Variants in SBF2 observed in about 807,000 individuals in gnomAD.
SBF2 encodes SET binding factor 2.
A neutral mutation model predicts 225.2 loss-of-function variants in SBF2; 112 were observed. That is an observed-to-expected ratio of 0.50 (90% CI 0.43 to 0.58). The LOEUF (loss-of-function observed/expected upper bound fraction) is 0.58, where lower values mean the gene tolerates loss of function less well. SBF2 is among the 20% of genes least tolerant of loss of function. The probability of loss-of-function intolerance (pLI) is 0.00; values close to 1 mark genes in which losing one functional copy is unlikely to be tolerated. For missense variants in SBF2, 1,996 were observed against 2,206.2 expected (o/e 0.90, Z 1.91); for synonymous variants, 763 against 773.3 (o/e 0.99, Z 0.22).
At chr11:10,269,111 C>A (rs922948627) in intron 1 of SBF2, among the ~76,000 whole-genome samples, 4 of 152,176 alleles carry the variant, frequency 2.6e-5, no homozygotes, top group Non-Finnish European at 5.9e-5. Flanking sequence ...TAGCAATATA[C>A]CTCAAAACTA....
chr11:9,855,075 C>A lies in SBF2; in HGVS notation c.2364-1363G>T, dbSNP rs147369944. Among the ~76,000 whole-genome samples, 6 of 152,240 alleles carry A rather than the reference C, an allele frequency of 3.9e-5. No individual in the cohort carries two copies. In the South Asian group the frequency reaches 1.2e-3, roughly 32 times the overall value. On this transcript the variant is annotated intron_variant, in intron 19 of 39. Coordinates refer to ENST00000256190, the MANE Select transcript of SBF2 (RefSeq NM_030962.4). ...GAGTAGTGAAGGAATGGGAAAGCAT[C>A]ATTTCGGGAAGATCCTTTTGGCAGT...
rs140442127 is a variant in SBF2 at position 10,046,774 on chromosome 11, C to T, written c.142-3793G>A. Among the ~76,000 whole-genome samples, 616 of 149,598 alleles carry T rather than the reference C, an allele frequency of 4.1e-3. 3 individuals are homozygous for T. The highest frequency in any genetic ancestry group is 0.014 in the African/African-American group (583 of 40,674). On this transcript the variant is annotated intron_variant, in intron 2 of 39. Coordinates refer to ENST00000256190, the MANE Select transcript of SBF2 (RefSeq NM_030962.4). ...ATATTATCCTACAAGTCCTAGTTAA[C>T]GCAATAAAATGAAAAAAATAAAAAG...
At chr11:9,792,868 G>C (rs565218078) in intron 33 of SBF2, among the ~76,000 whole-genome samples, 1 of 151,088 alleles carries the variant, frequency 6.6e-6, no homozygotes, top group Non-Finnish European at 1.5e-5. Flanking sequence ...TCCTCCCACC[G>C]CAGCCTCCTG....
intron 17 of SBF2, among the ~76,000 whole-genome samples, chr11:9,867,379 A>G (rs1224616712): frequency 6.6e-6 from 1 of 152,194 alleles, no homozygotes; most frequent in Non-Finnish European, 1.5e-5. Flanking sequence ...TATAAAAAAA[A>G]GAAAAAGTAA....
intron 3 of SBF2, among the ~76,000 whole-genome samples, chr11:10,035,868 C>T (rs943073632): frequency 2.0e-5 from 3 of 152,108 alleles, no homozygotes; most frequent in Non-Finnish European, 4.4e-5. Context: ...CCTTGAGGAT[C>T]TAGAACTAGA....
chr11:10,074,557 A>C (rs1429434318), intron 2 of SBF2, among the ~76,000 whole-genome samples: 1 of 152,202 alleles, frequency 6.6e-6, no homozygotes, highest in Non-Finnish European at 1.5e-5. Context: ...AAAGTCTGTG[A>C]TAGCTATATA....
In SBF2 at chr11:10,124,879, C is replaced by T. The variant is rs999648148; in HGVS notation, c.141+69023G>A. On this transcript the variant is annotated intron_variant, in intron 2 of 39. Transcript: ENST00000256190. ...CAGCACTTTGGGAGGCCGAGGCAGG[C>T]GGATCACCTGAGGTCAGGAGTTGGA... is the stretch of plus-strand genomic sequence containing the variant. 2.2e-4 allele frequency among the ~76,000 whole-genome samples: 34 copies of T among 152,018 alleles called. No individual in the cohort carries two copies. In the South Asian group the frequency reaches 3.9e-3, roughly 18 times the overall value.
At chr11:9,944,368 A>G (rs1456535264) in intron 16 of SBF2, among the ~76,000 whole-genome samples, 1 of 152,226 alleles carries the variant, frequency 6.6e-6, no homozygotes, top group African/African-American at 2.4e-5. Flanking sequence ...TTCTTTAAAC[A>G]TAACATATAT....
chr11:9,815,531 G>C (rs1332620688), intron 29 of SBF2, among the ~76,000 whole-genome samples: 1 of 151,938 alleles, frequency 6.6e-6, no homozygotes, highest in Admixed American at 6.6e-5. Context: ...GAGGAAGAGA[G>C]GGAAGGAAAA....
At chr11:9,840,252 C>CAAAAAAAAA (rs373616505) in intron 25 of SBF2, among the ~76,000 whole-genome samples, 1 of 97,926 alleles carries the variant, frequency 1.0e-5, no homozygotes, top group Non-Finnish European at 2.0e-5. Context: ...CCCCCAGCCG[C>CAAAAAAAAA]AAAAAAAAAA....
At position 9,812,657 on chromosome 11, in the gene SBF2, G is replaced by T; in HGVS notation, c.4030C>A (p.His1344Asn). The T allele has an allele frequency of 6.2e-7, 1 of 1,614,198 alleles. No homozygotes were observed. Residue 1344 changes from histidine to asparagine, a missense_variant, in exon 30 of 40, where the codon CAT (histidine) becomes AAT (asparagine). Physicochemically the swap from His to Asn is moderately conservative, Grantham distance 68. Transcript: ENST00000256190. ...LNCEFVPVEFHEIRQVKASFK... is the reference protein window; with the variant it reads ...LNCEFVPVEFNEIRQVKASFK... ...CTGGCTTTCACTTGCCGGATTTCAT[G>T]AAATTCAACAGGAACAAACTCACAA...
At chr11:10,189,990 A>G (rs1171239226) in intron 2 of SBF2, among the ~76,000 whole-genome samples, 1 of 152,084 alleles carries the variant, frequency 6.6e-6, no homozygotes, top group African/African-American at 2.4e-5. Flanking sequence ...TGTCTCTACT[A>G]AAAATACAAA....
At chr11:10,130,337 G>C (rs1362377018) in intron 2 of SBF2, among the ~76,000 whole-genome samples, 1 of 151,880 alleles carries the variant, frequency 6.6e-6, no homozygotes, top group African/African-American at 2.4e-5. Context: ...ACTCCAGCCT[G>C]GGTGACAGAG....
chr11:9,859,708 T>C lies in SBF2; in HGVS notation c.1930-1312A>G, dbSNP rs564759406. On this transcript the variant is annotated intron_variant, in intron 17 of 39. Transcript: ENST00000256190. ...AGTTGGTTCATTTCTTAGGGACGTA[T>C]ACCAGATATATAAGACATCTGGTAA... is the stretch of plus-strand genomic sequence containing the variant. 1.4e-3 allele frequency among the ~76,000 whole-genome samples: 212 copies of C among 152,338 alleles called. 1 individual carries two copies. Among genetic ancestry groups the C allele is most frequent in the African/African-American group, 4.8e-3 (200 of 41,586 alleles).
At chr11:9,990,742 CA>C (rs1177123582) in intron 12 of SBF2, among the ~76,000 whole-genome samples, 1 of 152,012 alleles carries the variant, frequency 6.6e-6, no homozygotes, top group Non-Finnish European at 1.5e-5. Flanking sequence ...TATATTTGTA[CA>C]AACAATAAAT....
rs889569942 is a variant in SBF2, at chr11:10,294,211, G to C, written c.-142C>G. On this transcript the variant is annotated 5_prime_UTR_variant, in exon 1 of 40. Transcript: ENST00000256190. ...GCTTCAGCCATGTTTGACAACCGAGGCGCGCTCTGCGCTTGCGCGGCGCCT... is the reference window on the plus strand; with the variant it reads ...GCTTCAGCCATGTTTGACAACCGAGCCGCGCTCTGCGCTTGCGCGGCGCCT... The C allele has an allele frequency of 4.2e-5, 24 of 564,936 alleles. No homozygotes were observed. The highest frequency in any genetic ancestry group is 6.3e-5 in the Non-Finnish European group (24 of 381,756). 35.0% of individuals were successfully genotyped at this position (564,936 alleles called of 1,614,324 possible).
chr11:9,808,498 A>G (rs145071642), intron 31 of SBF2: 28 of 459,130 alleles, frequency 6.1e-5, no homozygotes, highest in Non-Finnish European at 9.2e-5. Flanking sequence ...AATCAATTCT[A>G]CTTTTTGGCA....
At position 9,959,069 on chromosome 11, in the gene SBF2, A is replaced by G. The variant is rs188764687; in HGVS notation, c.1860+2888T>C. 3,575 of 1,508,084 alleles carry G rather than the reference A, an allele frequency of 2.4e-3. 54 individuals carry two copies. The Admixed American group carries it at 0.03, about 13-fold the overall frequency. 93.4% of individuals were successfully genotyped at this position (1,508,084 alleles called of 1,614,324 possible). ...TTGGTATGGCAGCCTGCACCATTCC[A>G]GTTCCCAGGAATGGGCTTAGGATCA... On this transcript the variant is annotated intron_variant, in intron 16 of 39. Coordinates refer to ENST00000256190, the MANE Select transcript of SBF2 (RefSeq NM_030962.4).
intron 2 of SBF2, among the ~76,000 whole-genome samples, chr11:10,065,888 A>C (rs1950607353): frequency 6.6e-6 from 1 of 152,182 alleles, no homozygotes; most frequent in Non-Finnish European, 1.5e-5. Context: ...TGGAAGTTGC[A>C]GTGAGCCAAG....
Sources: gnomAD v4.1 joint callset for allele counts (sites outside exome capture counted in the v4.1 genomes callset) on GRCh38, gnomAD v4.1.1 for gene constraint, MANE v1.5 for transcripts, NCBI Gene and HGNC (gene_info 2026-07-23, HGNC 2026-07-21) for gene names.